RERE: variants seen among roughly 807,000 people sequenced by gnomAD.
RERE encodes arginine-glutamic acid dipeptide repeats protein.
Under a neutral mutation model 146.1 loss-of-function variants are expected in RERE, and 40 were observed. That is an observed-to-expected ratio of 0.27 (90% CI 0.21 to 0.36). The LOEUF (loss-of-function observed/expected upper bound fraction) is 0.36. RERE is among the 10% of genes least tolerant of loss of function. The pLI is 1.00. For missense variants in RERE, 1,933 were observed against 2,138.7 expected, an observed-to-expected ratio of 0.90 and a Z score of 1.90; for synonymous variants, 1,003 against 866.0, an observed-to-expected ratio of 1.16 and a Z score of -2.78.
intron 6 of RERE, among the ~76,000 whole-genome samples, chr1:8,545,398 A>G (rs947833838): frequency 6.6e-6 from 1 of 152,164 alleles, no homozygotes; most frequent in Non-Finnish European, 1.5e-5. Flanking sequence ...GGAGGTGGCT[A>G]TATGAAAAGG....
chr1:8,586,377 G>A (rs554005050), intron 4 of RERE, among the ~76,000 whole-genome samples: 32 of 152,244 alleles, frequency 2.1e-4, no homozygotes, highest in Non-Finnish European at 3.5e-4. Context: ...GGCTGGCCAC[G>A]TCCTGTTTCT....
intron 11 of RERE, among the ~76,000 whole-genome samples, chr1:8,438,620 A>T (rs301803): frequency 0.3 from 45,184 of 151,980 alleles, 7,064 homozygotes; most frequent in Non-Finnish European, 0.32. Flanking sequence ...CTGGGCTCTG[A>T]TTCAAAGGCC....
At chr1:8,438,040 G>A (rs774909985) in intron 11 of RERE, among the ~76,000 whole-genome samples, 40 of 152,158 alleles carry the variant, frequency 2.6e-4, no homozygotes, top group Non-Finnish European at 5.1e-4. Flanking sequence ...GGCTACAGTG[G>A]TATGATCACA....
At chr1:8,542,662 A>AGGTGTG (rs1645813240) in intron 6 of RERE, among the ~76,000 whole-genome samples, 2 of 152,110 alleles carry the variant, frequency 1.3e-5, no homozygotes, top group Non-Finnish European at 2.9e-5. Context: ...CCATCTCACC[A>AGGTGTG]CACCTGGTTA....
At chr1:8,545,793 C>T (rs1315162055) in intron 6 of RERE, among the ~76,000 whole-genome samples, 1 of 149,950 alleles carries the variant, frequency 6.7e-6, no homozygotes, top group Non-Finnish European at 1.5e-5. Context: ...AAGCAATTCT[C>T]CTGCTTCAGC....
chr1:8,416,409 A>T (rs1411322118), intron 12 of RERE, among the ~76,000 whole-genome samples: 2 of 151,664 alleles, frequency 1.3e-5, no homozygotes, highest in Middle Eastern at 3.2e-3. Flanking sequence ...CATGGTGAAA[A>T]CCCCGTCTCT....
intron 10 of RERE, 22 bp downstream of exon 10, chr1:8,495,041 A>C (rs769803431): frequency 5.8e-6 from 9 of 1,541,680 alleles, no homozygotes; most frequent in Non-Finnish European, 8.1e-6. Flanking sequence ...CTTCCCACTC[A>C]GGGTGACTTC....
intron 3 of RERE, 47 bp from the exon 4 acceptor site, chr1:8,614,733 T>C (rs370286328): frequency 6.3e-5 from 98 of 1,565,410 alleles, no homozygotes; most frequent in South Asian, 4.7e-4. Context: ...CGCCCCATCA[T>C]GCCCTGGTTA....
intron 4 of RERE, among the ~76,000 whole-genome samples, chr1:8,569,952 T>C (rs529567727): frequency 1.3e-5 from 2 of 152,286 alleles, no homozygotes; most frequent in South Asian, 2.1e-4. Flanking sequence ...CTCTCAAACA[T>C]CTTAAGCTTC....
intron 1 of RERE, among the ~76,000 whole-genome samples, chr1:8,704,987 T>A (rs1428205600): frequency 2.0e-5 from 3 of 152,214 alleles, no homozygotes; most frequent in Non-Finnish European, 4.4e-5. Flanking sequence ...ATGAGATTAC[T>A]CCATATATGT....
intron 1 of RERE, among the ~76,000 whole-genome samples, chr1:8,726,829 G>T (rs1410458296): frequency 6.7e-6 from 1 of 149,958 alleles, no homozygotes. Flanking sequence ...TTATTGAGAA[G>T]AAGTCTCCCT....
chr1:8,527,610 A>G (rs1292497938), intron 7 of RERE, among the ~76,000 whole-genome samples: 1 of 152,182 alleles, frequency 6.6e-6, no homozygotes, highest in Admixed American at 6.5e-5. Context: ...TGTGGATTCT[A>G]ATTTTGGTCT....
intron 1 of RERE, among the ~76,000 whole-genome samples, chr1:8,679,103 A>G (rs1638908411): frequency 6.6e-6 from 1 of 152,252 alleles, no homozygotes; most frequent in Admixed American, 6.5e-5. Flanking sequence ...TGAAAGTTCT[A>G]TTCCACAGTG....
intron 12 of RERE, among the ~76,000 whole-genome samples, chr1:8,414,198 G>A (rs1419211486): frequency 6.6e-6 from 1 of 152,056 alleles, no homozygotes; most frequent in African/African-American, 2.4e-5. Flanking sequence ...CACAGGCCTG[G>A]GGTTACCAAA....
At chr1:8,476,471 G>A (rs1024351234) in intron 10 of RERE, among the ~76,000 whole-genome samples, 1 of 152,086 alleles carries the variant, frequency 6.6e-6, no homozygotes, top group African/African-American at 2.4e-5. Flanking sequence ...GAGGGTGGGT[G>A]GAGGAAAGGA....
chr1:8,781,688 C>T (rs1428815331), intron 1 of RERE, among the ~76,000 whole-genome samples: 2 of 150,408 alleles, frequency 1.3e-5, no homozygotes, highest in African/African-American at 2.5e-5. Flanking sequence ...TTAAATTCAT[C>T]TAGAATGCCT....
At chr1:8,513,639 G>A (rs959542488) in intron 7 of RERE, among the ~76,000 whole-genome samples, 8 of 152,160 alleles carry the variant, frequency 5.3e-5, no homozygotes, top group African/African-American at 1.9e-4. Flanking sequence ...AATTAGCCGG[G>A]TGTGGTGTTG....
At chr1:8,679,206 A>G (rs909263778) in intron 1 of RERE, among the ~76,000 whole-genome samples, 4 of 152,188 alleles carry the variant, frequency 2.6e-5, no homozygotes, top group African/African-American at 9.7e-5. Flanking sequence ...AATAGCCTCA[A>G]GTACAAGAAT....
Position 8,360,985 on chromosome 1 carries a change from T to C in RERE, c.2522A>G (p.His841Arg), listed in dbSNP as rs1245667970. 2.8e-6 allele frequency: 4 copies of C among 1,439,798 alleles called. No individual in the cohort carries two copies. The highest frequency in any genetic ancestry group is 2.9e-5 in the South Asian group (2 of 68,384). The allele number at this position is 1,439,798 out of a possible 1,614,324, so 89.2% of individuals were successfully genotyped here. ...GSAGQPSAPS[H>R]AQPPLHGQGP... is the part of the protein sequence containing the mutation. The stretch of plus-strand genomic sequence containing the variant: ...CTGACCGTGCAGTGGGGGCTGGGCA[T>C]GAGAGGGTGCAGAAGGCTGGCCCGC... Residue 841 changes from histidine to arginine, a missense_variant, in exon 18 of 23, where the codon CAT becomes CGT. By Grantham distance (29) the His-to-Arg change is conservative. This residue lies in a region of RERE where 1,255 missense variants were observed against 1,153.8 expected (regional missense o/e 1.09). Coordinates refer to ENST00000400908, the MANE Select transcript of RERE (RefSeq NM_001042681.2).
Sources: allele counts gnomAD v4.1 joint callset (sites outside exome capture counted in the v4.1 genomes callset), GRCh38; gene constraint gnomAD v4.1.1; regional missense constraint gnomAD v4.1.1; transcripts MANE v1.5; gene names NCBI Gene and HGNC (gene_info 2026-07-23, HGNC 2026-07-21).